Variants in IL27RA observed in about 807,000 individuals in gnomAD.
IL27RA encodes interleukin 27 receptor subunit alpha.
IL27RA carries 61 observed loss-of-function variants against 80.8 expected under a neutral mutation model. The ratio of observed to expected loss-of-function variants is 0.76; its 90% confidence interval spans 0.61 to 0.93. The LOEUF (loss-of-function observed/expected upper bound fraction) is 0.93, where lower values mean the gene tolerates loss of function less well. Ranked by LOEUF, IL27RA falls within the 40% of genes least tolerant of loss-of-function variation. IL27RA has a pLI of 0.00. For synonymous variants in IL27RA, 316 were observed against 332.5 expected, an observed-to-expected ratio of 0.95 and a Z score of 0.54; for missense variants, 735 against 808.1, an observed-to-expected ratio of 0.91 and a Z score of 1.10.
intron 11 of IL27RA, 23 bp downstream of exon 11, chr19:14,050,906 G>A: frequency 1.3e-6 from 2 of 1,595,380 alleles, no homozygotes; most frequent in African/African-American, 1.3e-5. Context: ...GGATGGGATT[G>A]CCACAGGGAG....
intron 2 of IL27RA, among the ~76,000 whole-genome samples, chr19:14,034,791 A>T (rs185889959): frequency 2.8e-4 from 43 of 151,776 alleles, no homozygotes; most frequent in Admixed American, 1.2e-3. Flanking sequence ...TCTCTACTAA[A>T]AATACAAAAA....
rs760374029 is a variant in IL27RA at position 14,046,418 on chromosome 19, T to C, written c.953-12T>C. ...CCTGAGTGGGCAGCTGAGACTTCTC[T>C]CCACCCTCCAGATTCAGCCTCTGCC... On this transcript the variant is annotated splice_polypyrimidine_tract_variant and intron_variant, in intron 7 of 13. Coordinates refer to ENST00000263379, the MANE Select transcript of IL27RA (RefSeq NM_004843.4). 4.3e-6 allele frequency: 7 copies of C among 1,613,938 alleles called. No homozygotes were observed. The Admixed American group carries it at 1.2e-4, about 27-fold the overall frequency.
intron 11 of IL27RA, 86 bp from the exon 12 acceptor site, chr19:14,051,521 G>A (rs1976163718): frequency 2.9e-6 from 2 of 697,174 alleles, no homozygotes; most frequent in Admixed American, 3.7e-5. Context: ...CAGCCTGGGT[G>A]ACAGGGCAAG....
chr19:14,046,543 G>A lies in IL27RA; in HGVS notation c.1066G>A (p.Ala356Thr), dbSNP rs1976069294. ...ACCACTGGAGCATGTAGTGGACTGG[G>A]CTCGAGATGGGGACCCCCTGGAGAA... ...GEPLEHVVDWARDGDPLEKLN... is the reference protein window; with the variant it reads ...GEPLEHVVDWTRDGDPLEKLN... Residue 356 changes from alanine (A) to threonine (T), a missense_variant, in exon 8 of 14, where the codon GCT (alanine) becomes ACT (threonine). By Grantham distance (58) the Ala-to-Thr change is moderately conservative. Transcript: ENST00000263379. 2 of 1,614,024 alleles carry A rather than the reference G, an allele frequency of 1.2e-6. No homozygotes were observed. The highest frequency in any genetic ancestry group is 2.7e-5 in the African/African-American group (2 of 75,006).
Position 14,052,160 on chromosome 19 carries a change from C to A in IL27RA, c.1781C>A (p.Pro594Gln), listed in dbSNP as rs139468413. 24 of 1,613,200 alleles carry A rather than the reference C, an allele frequency of 1.5e-5. No individual in the cohort carries two copies. The African/African-American group carries it at 2.9e-4, about 20-fold the overall frequency. Residue 594 changes from proline to glutamine, a missense_variant, in exon 14 of 14, where the codon CCG (proline) becomes CAG (glutamine). Transcript: ENST00000263379. ...PILEVEEMEP[P>Q]PVMESSQPAQ... ...CTGGAAGTGGAGGAGATGGAGCCCCCGCCGGTTATGGAGTCCTCCCAGCCC... is the reference window on the plus strand; with the variant it reads ...CTGGAAGTGGAGGAGATGGAGCCCCAGCCGGTTATGGAGTCCTCCCAGCCC...
intron 4 of IL27RA, among the ~76,000 whole-genome samples, chr19:14,041,392 G>A (rs1433251794): frequency 6.6e-6 from 1 of 151,322 alleles, no homozygotes; most frequent in East Asian, 1.9e-4. Context: ...AATAGAGATG[G>A]GGTTTCGCTA....
intron 6 of IL27RA, among the ~76,000 whole-genome samples, chr19:14,044,003 G>A (rs920258631): frequency 1.4e-5 from 2 of 142,942 alleles, no homozygotes; most frequent in African/African-American, 2.7e-5. Context: ...AGCTGAGCTC[G>A]AGCCACTGCA....
At chr19:14,042,373 CA>C (rs1976002204) in intron 4 of IL27RA, 79 bp from the exon 5 acceptor site, 1 of 1,476,004 alleles carries the variant, frequency 6.8e-7, no homozygotes, top group East Asian at 2.3e-5. Flanking sequence ...AAACGAAAAA[CA>C]AAGGAAAAAA....
intron 2 of IL27RA, among the ~76,000 whole-genome samples, chr19:14,033,833 G>C (rs1206870458): frequency 6.6e-6 from 1 of 151,898 alleles, no homozygotes; most frequent in South Asian, 2.1e-4. Flanking sequence ...ATGTGGTGGT[G>C]CATGCCTGTA....
chr19:14,031,952 T>C lies in IL27RA; in HGVS notation c.80T>C (p.Phe27Ser), dbSNP rs777922918. The change falls in exon 1 of 14, where the codon TTC (phenylalanine) becomes TCC (serine). Residue 27 changes from phenylalanine (F) to serine (S), a missense_variant. By Grantham distance (155) the Phe-to-Ser change is radical. Coordinates refer to ENST00000263379, the MANE Select transcript of IL27RA (RefSeq NM_004843.4). ...LALLPLLWVLFQRTRPQGSAG... is the reference protein window; with the variant it reads ...LALLPLLWVLSQRTRPQGSAG... The stretch of plus-strand genomic sequence containing the variant: ...CTGCTGCCTCTGTTGTGGGTGCTTT[T>C]CCAGCGGACGCGTCCCCAGGGTGAG... 5 of 1,611,046 alleles carry C rather than the reference T, an allele frequency of 3.1e-6. No individual in the cohort carries two copies. Among genetic ancestry groups the C allele is most frequent in the Non-Finnish European group, 4.2e-6 (5 of 1,178,756 alleles).
chr19:14,041,967 G>A (rs567915808), intron 4 of IL27RA, among the ~76,000 whole-genome samples: 11 of 152,248 alleles, frequency 7.2e-5, no homozygotes, highest in East Asian at 1.9e-4. Flanking sequence ...GTGGGAGGCC[G>A]AGGCGGGCGG....
chr19:14,042,467 G>A lies in IL27RA; in HGVS notation c.549G>A (p.Leu183=), dbSNP rs906162494. Residue 183 remains leucine (L), a synonymous_variant, in exon 5 of 14, where the codon CTG becomes CTA. Coordinates refer to ENST00000263379, the MANE Select transcript of IL27RA (RefSeq NM_004843.4). ...EAAWTLLEPE[L]KTIPLTPVEI... is the part of the protein sequence containing the mutation. ...CTCTCCCCCAGCTGGAACCGGAGCT[G>A]AAGACCATACCCCTGACCCCTGTTG... 8 of 1,613,944 alleles carry A rather than the reference G, an allele frequency of 5.0e-6. No homozygotes were observed. In the Admixed American group the frequency reaches 1.0e-4, roughly 20 times the overall value.
intron 2 of IL27RA, among the ~76,000 whole-genome samples, chr19:14,035,015 A>G (rs1039935994): frequency 6.6e-6 from 1 of 151,926 alleles, no homozygotes; most frequent in African/African-American, 2.4e-5. Flanking sequence ...TGTTTTGGGA[A>G]CAGGGTCTTA....
intron 6 of IL27RA, among the ~76,000 whole-genome samples, chr19:14,044,346 T>C (rs1180494988): frequency 6.6e-6 from 1 of 151,866 alleles, no homozygotes; most frequent in Non-Finnish European, 1.5e-5. Flanking sequence ...TTCAAGCGAT[T>C]CTCCTGCCTC....
Position 14,031,910 on chromosome 19 carries a change from C to T in IL27RA, c.38C>T (p.Pro13Leu), listed in dbSNP as rs1385977017. 4.4e-6 allele frequency: 7 copies of T among 1,606,808 alleles called. No individual in the cohort carries two copies. The highest frequency in any genetic ancestry group is 5.1e-6 in the Non-Finnish European group (6 of 1,177,274). Residue 13 changes from proline (P) to leucine (L), a missense_variant, in exon 1 of 14, where the codon CCG becomes CTG. By Grantham distance (98) the Pro-to-Leu change is moderately conservative. Transcript: ENST00000263379. Reference protein sequence around the residue: ...GGRGAPFWLWPLPKLALLPLL... With the variant: ...GGRGAPFWLWLLPKLALLPLL... ...AGGGGCGCCCCTTTCTGGCTGTGGC[C>T]GCTGCCCAAGCTGGCGCTGCTGCCT...
intron 2 of IL27RA, among the ~76,000 whole-genome samples, chr19:14,032,931 C>A (rs1975843938): frequency 6.6e-6 from 1 of 151,680 alleles, no homozygotes; most frequent in Non-Finnish European, 1.5e-5. Context: ...TCACCCTGGG[C>A]AAGTCACTTT....
chr19:14,041,975 C>T (rs573849159), intron 4 of IL27RA, among the ~76,000 whole-genome samples: 37 of 151,882 alleles, frequency 2.4e-4, no homozygotes, highest in Admixed American at 1.4e-3. Flanking sequence ...CCGAGGCGGG[C>T]GGATCACGAG....
At chr19:14,032,242 A>T in intron 1 of IL27RA, 144 bp from the exon 2 acceptor site, 1 of 734,884 alleles carries the variant, frequency 1.4e-6, no homozygotes, top group Non-Finnish European at 2.3e-6. Context: ...GAGCCCGGGC[A>T]GGGGTGCCTA....
intron 6 of IL27RA, among the ~76,000 whole-genome samples, chr19:14,043,297 C>T (rs1003536424): frequency 3.9e-5 from 6 of 152,064 alleles, no homozygotes; most frequent in Non-Finnish European, 5.9e-5. Flanking sequence ...CAGCTGCTTC[C>T]GAGAGGTCTG....
Sources: allele counts gnomAD v4.1 joint callset (sites outside exome capture counted in the v4.1 genomes callset), GRCh38; gene constraint gnomAD v4.1.1; transcripts MANE v1.5; gene names NCBI Gene and HGNC (gene_info 2026-07-23, HGNC 2026-07-21).